Variants in THSD7A observed in about 807,000 individuals in gnomAD.
The protein encoded by THSD7A is thrombospondin type 1 domain containing 7A.
THSD7A carries 96 observed loss-of-function variants against 231.3 expected under a neutral mutation model. That is an observed-to-expected ratio of 0.41 (90% CI 0.35 to 0.49). The LOEUF (loss-of-function observed/expected upper bound fraction) is 0.49, where lower values mean the gene tolerates loss of function less well. Ranked by LOEUF, THSD7A falls within the 20% of genes least tolerant of loss-of-function variation. THSD7A has a pLI of 0.05. For synonymous variants in THSD7A, 940 were observed against 743.3 expected, an observed-to-expected ratio of 1.26 and a Z score of -4.30; for missense variants, 2,290 against 2,070.2, an observed-to-expected ratio of 1.11 and a Z score of -2.06.
intron 1 of THSD7A, among the ~76,000 whole-genome samples, chr7:11,718,513 T>C (rs1015229715): frequency 2.6e-5 from 4 of 151,638 alleles, no homozygotes; most frequent in Admixed American, 2.6e-4. Flanking sequence ...TCCATGGAAC[T>C]AGCAGGTAGT....
chr7:11,593,180 T>A, intron 3 of THSD7A, 74 bp downstream of exon 3: 2 of 1,556,210 alleles, frequency 1.3e-6, no homozygotes, highest in Non-Finnish European at 1.7e-6. Context: ...TTGCTTAGAG[T>A]ACTGTTCAGT....
chr7:11,716,222 T>C (rs1264648034), intron 1 of THSD7A, among the ~76,000 whole-genome samples: 1 of 151,564 alleles, frequency 6.6e-6, no homozygotes, highest in Non-Finnish European at 1.5e-5. Flanking sequence ...ATGGCATTCC[T>C]TCTGCCTGGA....
chr7:11,483,192 TAGG>T (rs1786501252), intron 6 of THSD7A, among the ~76,000 whole-genome samples: 1 of 152,184 alleles, frequency 6.6e-6, no homozygotes, highest in Non-Finnish European at 1.5e-5. Context: ...CTTGGGGAGT[TAGG>T]AGCATCATTT....
chr7:11,501,676 G>T (rs1415182491), intron 6 of THSD7A, among the ~76,000 whole-genome samples: 1 of 152,132 alleles, frequency 6.6e-6, no homozygotes. Context: ...ACATCAAAAA[G>T]TTAGGAAGAA....
chr7:11,465,941 G>C (rs1004101716), intron 9 of THSD7A, among the ~76,000 whole-genome samples: 3 of 151,988 alleles, frequency 2.0e-5, no homozygotes, highest in Non-Finnish European at 4.4e-5. Context: ...AAACACGTTA[G>C]CAAGTGCACT....
intron 1 of THSD7A, among the ~76,000 whole-genome samples, chr7:11,768,704 T>A (rs1783108249): frequency 6.6e-6 from 1 of 152,176 alleles, no homozygotes; most frequent in African/African-American, 2.4e-5. Flanking sequence ...ATACCTTAGT[T>A]TGATAAGAAA....
intron 6 of THSD7A, among the ~76,000 whole-genome samples, chr7:11,537,580 C>G (rs1788964760): frequency 6.6e-6 from 1 of 152,120 alleles, no homozygotes; most frequent in South Asian, 2.1e-4. Flanking sequence ...GTAAAAGCTT[C>G]CTGAGGCCTT....
intron 23 of THSD7A, chr7:11,384,479 T>A (rs917067861): frequency 2.0e-5 from 3 of 151,954 alleles, no homozygotes; most frequent in African/African-American, 7.2e-5. Context: ...ATATTTAGTA[T>A]TTACAGTTTG....
At chr7:11,694,085 A>G (rs1780316349) in intron 1 of THSD7A, among the ~76,000 whole-genome samples, 2 of 151,522 alleles carry the variant, frequency 1.3e-5, no homozygotes, top group African/African-American at 4.8e-5. Context: ...TGAAGGTAGT[A>G]AAGGAGTTTG....
At chr7:11,827,324 A>G (rs1050858756) in intron 1 of THSD7A, among the ~76,000 whole-genome samples, 6 of 152,154 alleles carry the variant, frequency 3.9e-5, no homozygotes, top group Non-Finnish European at 7.3e-5. Context: ...TTTTTATTCA[A>G]TCAAGTTTAT....
rs1782245949 is a variant in THSD7A at position 11,645,509 on chromosome 7, A to G, written c.191-8548T>C. ...TCTTATAGATTTATTTTATTTAAAT[A>G]CGTTAAATGCATCAGAAGTTTATTA... On this transcript the variant is annotated intron_variant, in intron 1 of 27. Transcript: ENST00000423059. Among the ~76,000 whole-genome samples the G allele has an allele frequency of 2.6e-5, 4 of 151,850 alleles. No individual in the cohort carries two copies. In the South Asian group the frequency reaches 8.3e-4, roughly 31 times the overall value.
chr7:11,790,113 A>C (rs1783904983), intron 1 of THSD7A, among the ~76,000 whole-genome samples: 1 of 152,058 alleles, frequency 6.6e-6, no homozygotes, highest in Non-Finnish European at 1.5e-5. Flanking sequence ...AGAACAAATT[A>C]AGTATTAATT....
At chr7:11,616,104 C>T (rs1044481535) in intron 2 of THSD7A, among the ~76,000 whole-genome samples, 1 of 151,570 alleles carries the variant, frequency 6.6e-6, no homozygotes, top group African/African-American at 2.4e-5. Flanking sequence ...GTGATATTTC[C>T]TTTGTTATAT....
intron 1 of THSD7A, among the ~76,000 whole-genome samples, chr7:11,704,151 C>T (rs1041203084): frequency 1.8e-4 from 27 of 151,108 alleles, no homozygotes; most frequent in African/African-American, 6.5e-4. Context: ...ATAGTTTCTA[C>T]CTACAACAAG....
chr7:11,554,520 T>C (rs1173040056), intron 4 of THSD7A, among the ~76,000 whole-genome samples: 2 of 152,126 alleles, frequency 1.3e-5, no homozygotes, highest in South Asian at 2.1e-4. Context: ...TATGAATGGA[T>C]GCTAAATTTT....
At chr7:11,477,653 C>A (rs1001399210) in intron 7 of THSD7A, among the ~76,000 whole-genome samples, 1 of 152,060 alleles carries the variant, frequency 6.6e-6, no homozygotes, top group African/African-American at 2.4e-5. Context: ...TTCAAGTTGG[C>A]TTCTGTGGCC....
chr7:11,616,534 A>G (rs115515874), intron 2 of THSD7A, among the ~76,000 whole-genome samples: 65 of 151,874 alleles, frequency 4.3e-4, no homozygotes, highest in African/African-American at 1.5e-3. Flanking sequence ...AGAATAATTT[A>G]ATATATAAAA....
intron 1 of THSD7A, among the ~76,000 whole-genome samples, chr7:11,702,554 C>T (rs538959122): frequency 6.6e-6 from 1 of 151,250 alleles, no homozygotes; most frequent in East Asian, 2.0e-4. Flanking sequence ...TGTTTCTGGG[C>T]AGGCCGATCT....
chr7:11,621,774 G>C (rs1222478631), intron 2 of THSD7A, among the ~76,000 whole-genome samples: 2 of 152,078 alleles, frequency 1.3e-5, no homozygotes, highest in African/African-American at 4.8e-5. Flanking sequence ...AAATTGTTTT[G>C]TAATGGAAAC....
Sources: allele counts gnomAD v4.1 joint callset (sites outside exome capture counted in the v4.1 genomes callset), GRCh38; gene constraint gnomAD v4.1.1; transcripts MANE v1.5; gene names NCBI Gene and HGNC (gene_info 2026-07-23, HGNC 2026-07-21).